Variants in EHBP1 observed in about 807,000 individuals in gnomAD.
The protein encoded by EHBP1 is EH domain-binding protein 1.
A neutral mutation model predicts 144.0 loss-of-function variants in EHBP1; 55 were observed. The ratio of observed to expected loss-of-function variants is 0.38; its 90% confidence interval spans 0.31 to 0.48. The LOEUF (loss-of-function observed/expected upper bound fraction) is 0.48. Among genes scored for constraint, EHBP1 ranks in the 20% least tolerant of loss-of-function variants. The probability of loss-of-function intolerance (pLI) is 0.98; values close to 1 mark genes in which losing one functional copy is unlikely to be tolerated. For synonymous variants in EHBP1, 469 were observed against 472.7 expected, an observed-to-expected ratio of 0.99 and a Z score of 0.10; for missense variants, 1,200 against 1,364.2, an observed-to-expected ratio of 0.88 and a Z score of 1.90.
At chr2:62,725,917 C>A (rs775226411) in intron 2 of EHBP1, among the ~76,000 whole-genome samples, 1 of 152,172 alleles carries the variant, frequency 6.6e-6, no homozygotes, top group Admixed American at 6.5e-5. Context: ...AGCACTGTTG[C>A]TAGCATAGGA....
intron 13 of EHBP1, among the ~76,000 whole-genome samples, chr2:62,952,741 T>C (rs1374893698): frequency 6.6e-6 from 1 of 152,204 alleles, no homozygotes; most frequent in Non-Finnish European, 1.5e-5. Context: ...TCAAAGTCTG[T>C]GCTTCTCCAC....
intron 3 of EHBP1, among the ~76,000 whole-genome samples, chr2:62,755,826 C>T (rs2040224352): frequency 6.6e-6 from 1 of 151,730 alleles, no homozygotes; most frequent in Admixed American, 6.6e-5. Context: ...TTAGAAATAG[C>T]CTCTAAATGT....
At chr2:62,943,192 C>T (rs949257070) in intron 11 of EHBP1, among the ~76,000 whole-genome samples, 3 of 151,980 alleles carry the variant, frequency 2.0e-5, no homozygotes, top group Non-Finnish European at 4.4e-5. Flanking sequence ...GCCTGACCAA[C>T]ATGGAGAAAC....
At chr2:62,770,169 G>C (rs36141128) in intron 4 of EHBP1, among the ~76,000 whole-genome samples, 1 of 152,124 alleles carries the variant, frequency 6.6e-6, no homozygotes, top group African/African-American at 2.4e-5. Flanking sequence ...GTTGACAAAT[G>C]AGATCTAATT....
intron 10 of EHBP1, chr2:62,940,059 A>G (rs1374826465): frequency 2.4e-6 from 1 of 424,162 alleles, no homozygotes; most frequent in Non-Finnish European, 4.7e-6. Flanking sequence ...CAGAGGCACA[A>G]AGGAAAAGAA....
At chr2:62,977,247 C>T (rs1203538142) in intron 14 of EHBP1, among the ~76,000 whole-genome samples, 1 of 151,562 alleles carries the variant, frequency 6.6e-6, no homozygotes, top group Non-Finnish European at 1.5e-5. Flanking sequence ...AAAATTAAAG[C>T]ACCTCTCCCT....
At chr2:62,943,714 A>T in intron 11 of EHBP1, 88 bp from the exon 12 acceptor site, 1 of 844,196 alleles carries the variant, frequency 1.2e-6, no homozygotes, top group Non-Finnish European at 1.8e-6. Context: ...AGTATTATTG[A>T]ATGTCAAATT....
intron 15 of EHBP1, among the ~76,000 whole-genome samples, chr2:62,989,941 T>A (rs2059348166): frequency 6.6e-6 from 1 of 152,192 alleles, no homozygotes; most frequent in Admixed American, 6.5e-5. Flanking sequence ...GACAATAGCA[T>A]TTATTAAGAG....
chr2:62,776,707 A>G (rs1479886586), intron 5 of EHBP1, among the ~76,000 whole-genome samples: 1 of 152,222 alleles, frequency 6.6e-6, no homozygotes, highest in Non-Finnish European at 1.5e-5. Flanking sequence ...TAGGATTAAC[A>G]ACAAGTATTT....
chr2:62,852,665 G>A (rs2048761690), intron 7 of EHBP1, among the ~76,000 whole-genome samples: 1 of 151,684 alleles, frequency 6.6e-6, no homozygotes, highest in South Asian at 2.1e-4. Flanking sequence ...TAAATCATTT[G>A]TAAATTTTGA....
chr2:62,798,030 G>A (rs899422551), intron 5 of EHBP1, among the ~76,000 whole-genome samples: 1 of 152,160 alleles, frequency 6.6e-6, no homozygotes, highest in Non-Finnish European at 1.5e-5. Flanking sequence ...TATGGAAATA[G>A]GGAAGGAAAT....
intron 15 of EHBP1, among the ~76,000 whole-genome samples, chr2:62,982,534 A>G (rs151200028): frequency 1.2e-4 from 18 of 152,302 alleles, no homozygotes; most frequent in African/African-American, 4.1e-4. Flanking sequence ...GAATTAACAA[A>G]TTAGTGTCCA....
At chr2:62,926,833 C>T (rs1308295500) in intron 10 of EHBP1, among the ~76,000 whole-genome samples, 1 of 152,122 alleles carries the variant, frequency 6.6e-6, no homozygotes, top group Non-Finnish European at 1.5e-5. Flanking sequence ...AGTCCTCCTA[C>T]TACTGAGTAT....
chr2:63,042,444 T>C (rs2061702013), intron 21 of EHBP1, among the ~76,000 whole-genome samples: 1 of 152,086 alleles, frequency 6.6e-6, no homozygotes, highest in African/African-American at 2.4e-5. Context: ...TCCTGTACAG[T>C]TGACTAATAT....
intron 5 of EHBP1, chr2:62,772,000 T>A (rs1017247773): frequency 1.3e-5 from 2 of 152,188 alleles, no homozygotes; most frequent in Admixed American, 1.3e-4. Context: ...CCCAGCTACT[T>A]GGGAGGCTGA....
At position 62,871,632 on chromosome 2, in the gene EHBP1, T is replaced by C. The variant is rs1178484258; in HGVS notation, c.999-2714T>C. Among the ~76,000 whole-genome samples the C allele has an allele frequency of 3.3e-5, 5 of 152,338 alleles. No individual in the cohort carries two copies. The East Asian group carries it at 7.7e-4, about 23-fold the overall frequency. ...TGTTCTTACTTCAATAATAAACTTA[T>C]GACCTTTCATCAAGCAAAAAGCCTA... On this transcript the variant is annotated intron_variant, in intron 9 of 22. Transcript: ENST00000431489.
chr2:63,030,834 C>T lies in EHBP1; in HGVS notation c.3104-6701C>T, dbSNP rs1159157853. Among the ~76,000 whole-genome samples, 17 of 124,000 alleles carry T rather than the reference C, an allele frequency of 1.4e-4. No homozygotes were observed. In the South Asian group the frequency reaches 1.9e-3, roughly 14 times the overall value. 81.3% of individuals were successfully genotyped at this position (124,000 alleles called of 152,430 possible). On this transcript the variant is annotated intron_variant, in intron 19 of 22. Coordinates refer to ENST00000431489, the MANE Select transcript of EHBP1 (RefSeq NM_001142616.3). ...TTTTTGAGATGGAGTTTCGCTCTGT[C>T]GTCCAGGCTGGAGTGCAGTGGTGTG... is the stretch of plus-strand genomic sequence containing the variant.
intron 19 of EHBP1, among the ~76,000 whole-genome samples, chr2:62,999,199 C>T (rs2059755133): frequency 6.6e-6 from 1 of 152,044 alleles, no homozygotes; most frequent in African/African-American, 2.4e-5. Flanking sequence ...CCCAGGTTTT[C>T]AGGTTTTCTA....
intron 13 of EHBP1, among the ~76,000 whole-genome samples, chr2:62,953,683 A>G (rs2057531071): frequency 6.6e-6 from 1 of 152,114 alleles, no homozygotes; most frequent in Non-Finnish European, 1.5e-5. Flanking sequence ...GGGTACCAGG[A>G]CTACTACTAA....
Sources: allele counts gnomAD v4.1 joint callset (sites outside exome capture counted in the v4.1 genomes callset), GRCh38; gene constraint gnomAD v4.1.1; transcripts MANE v1.5; gene names NCBI Gene and HGNC (gene_info 2026-07-23, HGNC 2026-07-21).